Variants in ABHD17B observed in about 807,000 individuals in gnomAD.
ABHD17B encodes the protein abhydrolase domain containing 17B, depalmitoylase.
A neutral mutation model predicts 26.2 loss-of-function variants in ABHD17B; 9 were observed. That is an observed-to-expected ratio of 0.34 (90% CI 0.21 to 0.60). The LOEUF (loss-of-function observed/expected upper bound fraction) is 0.60, where lower values mean the gene tolerates loss of function less well. Ranked by LOEUF, ABHD17B falls within the 20% of genes least tolerant of loss-of-function variation. The probability of loss-of-function intolerance (pLI) is 0.80; values close to 1 mark genes in which losing one functional copy is unlikely to be tolerated. For synonymous variants in ABHD17B, 127 were observed against 122.3 expected, an observed-to-expected ratio of 1.04 and a Z score of -0.25; for missense variants, 224 against 352.1, an observed-to-expected ratio of 0.64 and a Z score of 2.91.
intron 1 of ABHD17B, among the ~76,000 whole-genome samples, chr9:71,902,064 C>G (rs938847369): frequency 6.6e-6 from 1 of 152,110 alleles, no homozygotes; most frequent in Non-Finnish European, 1.5e-5. Context: ...TGCTTCTGTG[C>G]CTTATCACAT....
chr9:71,903,735 T>G (rs1157753418), intron 1 of ABHD17B, among the ~76,000 whole-genome samples: 1 of 152,246 alleles, frequency 6.6e-6, no homozygotes, highest in Non-Finnish European at 1.5e-5. Flanking sequence ...ACTGGTTCTT[T>G]CCATCAATGT....
rs1300691149 is a variant in ABHD17B, at chr9:71,865,587, C to G, written c.*1200G>C. The G allele has an allele frequency of 3.0e-6, 3 of 984,932 alleles. No individual in the cohort carries two copies. Among genetic ancestry groups the G allele is most frequent in the Non-Finnish European group, 3.6e-6 (3 of 829,674 alleles). 61.0% of individuals were successfully genotyped at this position (984,932 alleles called of 1,614,324 possible). A position where few individuals can be genotyped will look rare whatever the true frequency, so the allele number is the denominator to read the frequency against. On this transcript the variant is annotated 3_prime_UTR_variant, in exon 4 of 4. Coordinates refer to ENST00000333421, the MANE Select transcript of ABHD17B (RefSeq NM_001025780.3). ...ATTTTTAAAAATAGCTAAAGTGGGC[C>G]AGGCGCAGTGGCTCATGCCTGTAAT...
In ABHD17B at chr9:71,866,879, C is replaced by T; in HGVS notation, c.775G>A (p.Val259Ile). The change falls in exon 4 of 4, where the codon GTT (valine) becomes ATT (isoleucine). Residue 259 changes from valine to isoleucine, a missense_variant. By Grantham distance (29) the Val-to-Ile change is conservative (BLOSUM62 3). Transcript: ENST00000333421. ...RCQRPVEPLW[V>I]EGAGHNDVEL... ...ACATCATTGTGACCTGCTCCTTCAA[C>T]CCAGAGAGGCTCCACAGGTCTTTGG... The T allele has an allele frequency of 6.2e-7, 1 of 1,614,172 alleles. No individual in the cohort carries two copies. Among genetic ancestry groups the T allele is most frequent in the East Asian group, 2.2e-5 (1 of 44,884 alleles).
chr9:71,910,218 G>A (rs956443530), intron 1 of ABHD17B, among the ~76,000 whole-genome samples: 3 of 152,124 alleles, frequency 2.0e-5, no homozygotes, highest in African/African-American at 7.2e-5. Context: ...CTCTCAGTGC[G>A]CCAGTGAGGG....
intron 1 of ABHD17B, among the ~76,000 whole-genome samples, chr9:71,894,042 C>T (rs142063635): frequency 0.011 from 1,437 of 127,682 alleles, 28 homozygotes; most frequent in African/African-American, 0.04. Context: ...GAGCTGAGAT[C>T]GCACCACTGC....
intron 3 of ABHD17B, 24 bp from the exon 4 acceptor site, chr9:71,867,030 A>T (rs763321044): frequency 4.3e-6 from 7 of 1,609,690 alleles, no homozygotes; most frequent in Admixed American, 3.3e-5. Flanking sequence ...GGAAGGGGGA[A>T]AAATGCAATA....
At chr9:71,871,660 C>T (rs781455214) in intron 2 of ABHD17B, among the ~76,000 whole-genome samples, 3 of 152,112 alleles carry the variant, frequency 2.0e-5, no homozygotes, top group Non-Finnish European at 4.4e-5. Flanking sequence ...AGGGGACTCA[C>T]AAGAGTAACA....
Position 71,865,486 on chromosome 9 carries a change from T to G in ABHD17B, c.*1301A>C. On this transcript the variant is annotated 3_prime_UTR_variant, in exon 4 of 4. Transcript: ENST00000333421. ...ATTGGTTAATATAAAAGTTATGAATTAAACGTATTCTTATCTCCTATACCC... is the reference window on the plus strand; with the variant it reads ...ATTGGTTAATATAAAAGTTATGAATGAAACGTATTCTTATCTCCTATACCC... 1 of 983,736 alleles carries G rather than the reference T, an allele frequency of 1.0e-6. No individual in the cohort carries two copies. The highest frequency in any genetic ancestry group is 4.7e-5 in the South Asian group (1 of 21,256). The allele number at this position is 983,736 out of a possible 1,614,324, so 60.9% of individuals were successfully genotyped here. A position where few individuals can be genotyped will look rare whatever the true frequency, so the allele number is the denominator to read the frequency against.
chr9:71,905,999 T>G (rs913320086), intron 1 of ABHD17B, among the ~76,000 whole-genome samples: 18 of 152,050 alleles, frequency 1.2e-4, no homozygotes, highest in Non-Finnish European at 2.1e-4. Flanking sequence ...CAGTGGGCAG[T>G]GATCATGCTA....
intron 1 of ABHD17B, among the ~76,000 whole-genome samples, chr9:71,884,263 A>C (rs530641814): frequency 6.6e-6 from 1 of 152,206 alleles, no homozygotes; most frequent in Non-Finnish European, 1.5e-5. Flanking sequence ...CATTGTGTTT[A>C]CCAATGACCC....
chr9:71,885,460 C>CAA (rs35660801), intron 1 of ABHD17B, among the ~76,000 whole-genome samples: 2,638 of 123,766 alleles, frequency 0.021, 48 homozygotes, highest in African/African-American at 0.045. Context: ...ACTCTGTCTC[C>CAA]AAAAAAAAAA....
At chr9:71,871,631 T>C (rs1260168682) in intron 2 of ABHD17B, among the ~76,000 whole-genome samples, 1 of 152,158 alleles carries the variant, frequency 6.6e-6, no homozygotes. Flanking sequence ...GTCGCAGAGG[T>C]AGCTGACAAT....
Position 71,870,197 on chromosome 9 carries a change from T to C in ABHD17B, c.533A>G (p.Asp178Gly), listed in dbSNP as rs771390383. The C allele has an allele frequency of 3.7e-6, 6 of 1,614,042 alleles. No individual in the cohort carries two copies. Among genetic ancestry groups the C allele is most frequent in the Non-Finnish European group, 1.7e-6 (2 of 1,179,976 alleles). ...AGCACTCTCATATCGAGCAGCAAGA[T>C]CCACAGACGGTACTGTCCCTATACT... is the stretch of plus-strand genomic sequence containing the variant. ...GQSIGTVPSV[D>G]LAARYESAAV... The change falls in exon 3 of 4, where the codon GAT becomes GGT. Residue 178 changes from aspartate (D) to glycine (G), a missense_variant. Physicochemically the swap from Asp to Gly is moderately conservative, Grantham distance 94. Transcript: ENST00000333421.
intron 1 of ABHD17B, among the ~76,000 whole-genome samples, chr9:71,896,701 CACAT>C (rs1262554972): frequency 4.6e-5 from 7 of 151,650 alleles, no homozygotes; most frequent in African/African-American, 1.7e-4. Context: ...CACACACACA[CACAT>C]ATATATATAT....
intron 1 of ABHD17B, among the ~76,000 whole-genome samples, chr9:71,893,185 G>C (rs560159321): frequency 1.1e-4 from 17 of 152,300 alleles, no homozygotes; most frequent in Non-Finnish European, 1.8e-4. Flanking sequence ...GTGACCAGAT[G>C]TATGAGAGAT....
At chr9:71,892,490 G>A (rs1826816057) in intron 1 of ABHD17B, among the ~76,000 whole-genome samples, 2 of 151,700 alleles carry the variant, frequency 1.3e-5, no homozygotes, top group African/African-American at 2.4e-5. Flanking sequence ...AGGAGATCAC[G>A]CCACTGCACT....
intron 1 of ABHD17B, among the ~76,000 whole-genome samples, chr9:71,887,266 G>C (rs1415219259): frequency 6.6e-6 from 1 of 152,120 alleles, no homozygotes; most frequent in African/African-American, 2.4e-5. Context: ...GTCAGTTCTA[G>C]TGTAAGTTGT....
chr9:71,864,223 T>TTC (rs1323559690), downstream of ABHD17B, among the ~76,000 whole-genome samples: 1 of 130,712 alleles, frequency 7.7e-6, no homozygotes, highest in Non-Finnish European at 1.6e-5. Flanking sequence ...CTTTTTTTTT[T>TTC]TTTTTTTTTT....
At chr9:71,874,177 A>T (rs1010043434) in intron 2 of ABHD17B, among the ~76,000 whole-genome samples, 1 of 147,036 alleles carries the variant, frequency 6.8e-6, no homozygotes, top group South Asian at 2.2e-4. Flanking sequence ...ACTGGATTTA[A>T]TTTTTTTTTT....
Sources: allele counts gnomAD v4.1 joint callset (sites outside exome capture counted in the v4.1 genomes callset), GRCh38; gene constraint gnomAD v4.1.1; transcripts MANE v1.5; gene names NCBI Gene and HGNC (gene_info 2026-07-23, HGNC 2026-07-21).